The following CPA6 variants were observed in gnomAD, a reference collection of about 807,000 sequenced individuals.
The protein encoded by CPA6 is carboxypeptidase A6, also known as carboxypeptidase B.
Under a neutral mutation model 63.3 loss-of-function variants are expected in CPA6, and 58 were observed. The observed-to-expected ratio is 0.92, with a 90% CI of 0.74 to 1.14. The LOEUF (loss-of-function observed/expected upper bound fraction) is 1.14, where lower values mean the gene tolerates loss of function less well. CPA6 is among the 50% of genes most tolerant of loss of function. The pLI is 0.00. For missense variants in CPA6, 565 were observed against 526.6 expected (o/e 1.07, Z -0.71); for synonymous variants, 185 against 179.0 (o/e 1.03, Z -0.27).
intron 8 of CPA6, among the ~76,000 whole-genome samples, chr8:67,453,578 G>A (rs931593219): frequency 6.6e-6 from 1 of 152,152 alleles, no homozygotes; most frequent in African/African-American, 2.4e-5. Flanking sequence ...ATGATGACAT[G>A]TCTAAGGGAA....
intron 2 of CPA6, among the ~76,000 whole-genome samples, chr8:67,574,231 A>G (rs1813564114): frequency 6.6e-6 from 1 of 151,864 alleles, no homozygotes; most frequent in African/African-American, 2.4e-5. Context: ...TACAAAAATT[A>G]GCTGGGCATG....
At chr8:67,587,070 G>T (rs1177678342) in intron 2 of CPA6, among the ~76,000 whole-genome samples, 1 of 152,224 alleles carries the variant, frequency 6.6e-6, no homozygotes, top group Non-Finnish European at 1.5e-5. Context: ...GGAGGATAAT[G>T]GGTATTATGT....
At chr8:67,497,249 T>C (rs1361994201) in intron 6 of CPA6, among the ~76,000 whole-genome samples, 1 of 152,190 alleles carries the variant, frequency 6.6e-6, no homozygotes, top group Non-Finnish European at 1.5e-5. Flanking sequence ...TGGTAGTTGT[T>C]AGTTCCAATT....
intron 6 of CPA6, among the ~76,000 whole-genome samples, chr8:67,505,101 T>A (rs116575601): frequency 0.03 from 4,611 of 152,298 alleles, 231 homozygotes; most frequent in African/African-American, 0.1. Context: ...AGTGCTGCTG[T>A]ATATGGCTCT....
At chr8:67,636,470 C>G (rs1447970091) in intron 1 of CPA6, among the ~76,000 whole-genome samples, 1 of 151,400 alleles carries the variant, frequency 6.6e-6, no homozygotes, top group Non-Finnish European at 1.5e-5. Context: ...TAAGAGAAAC[C>G]AATGGAATAA....
intron 2 of CPA6, among the ~76,000 whole-genome samples, chr8:67,559,561 T>C (rs894048260): frequency 2.0e-5 from 3 of 152,162 alleles, no homozygotes; most frequent in African/African-American, 7.2e-5. Flanking sequence ...GTTCTCTCAT[T>C]AAAATTTTAT....
intron 1 of CPA6, among the ~76,000 whole-genome samples, chr8:67,668,080 T>C (rs1816269467): frequency 6.6e-6 from 1 of 152,230 alleles, no homozygotes; most frequent in Non-Finnish European, 1.5e-5. Flanking sequence ...GTGTCCTGTT[T>C]GAACAGAAGA....
chr8:67,492,965 C>T (rs1160012664), intron 6 of CPA6, among the ~76,000 whole-genome samples: 2 of 152,044 alleles, frequency 1.3e-5, no homozygotes, highest in Admixed American at 6.6e-5. Context: ...AGGGAACTAA[C>T]GGTACTGAAG....
intron 1 of CPA6, among the ~76,000 whole-genome samples, chr8:67,733,196 CA>C (rs1211323183): frequency 0.015 from 229 of 14,890 alleles, no homozygotes; most frequent in African/African-American, 0.034. Flanking sequence ...GACTCCATCT[CA>C]AAAAAAAAAA....
At chr8:67,577,434 G>T (rs1046727682) in intron 2 of CPA6, among the ~76,000 whole-genome samples, 3 of 152,162 alleles carry the variant, frequency 2.0e-5, no homozygotes, top group African/African-American at 7.2e-5. Context: ...GGCTTGAAAA[G>T]CTTGCCTAGC....
chr8:67,464,924 G>C (rs1390858028), intron 8 of CPA6, among the ~76,000 whole-genome samples: 1 of 152,164 alleles, frequency 6.6e-6, no homozygotes, highest in African/African-American at 2.4e-5. Context: ...TCATAGTATA[G>C]TTTGAAGTCA....
intron 9 of CPA6, among the ~76,000 whole-genome samples, chr8:67,429,269 A>G (rs1377634687): frequency 1.3e-5 from 2 of 152,244 alleles, no homozygotes; most frequent in Non-Finnish European, 2.9e-5. Context: ...ATGAACTAGA[A>G]TGATACTCAC....
Position 67,524,898 on chromosome 8 carries a change from A to T in CPA6, c.193-6851T>A, listed in dbSNP as rs566611429. On this transcript the variant is annotated intron_variant, in intron 2 of 10. Coordinates refer to ENST00000297770, the MANE Select transcript of CPA6 (RefSeq NM_020361.5). The stretch of plus-strand genomic sequence containing the variant: ...GTCCACTCATCCCATTTCTCAACTT[A>T]CATGTCCTTAATTTTGAAGTTTTAT... Among the ~76,000 whole-genome samples, 8 of 152,254 alleles carry T rather than the reference A, an allele frequency of 5.3e-5. No homozygotes were observed. In the East Asian group the frequency reaches 1.5e-3, roughly 29 times the overall value.
chr8:67,721,000 C>A lies in CPA6; in HGVS notation c.116+25014G>T, dbSNP rs533978291. Among the ~76,000 whole-genome samples the A allele has an allele frequency of 3.3e-5, 5 of 152,324 alleles. No individual in the cohort carries two copies. In the East Asian group the frequency reaches 9.6e-4, roughly 29 times the overall value. ...TAAGCAACCCACTATGTGAAAAACT[C>A]CCTATTAGGGATTGAACAAACATTT... On this transcript the variant is annotated intron_variant, in intron 1 of 10. Coordinates refer to ENST00000297770, the MANE Select transcript of CPA6 (RefSeq NM_020361.5).
At chr8:67,694,202 G>C (rs1240555261) in intron 1 of CPA6, among the ~76,000 whole-genome samples, 2 of 152,148 alleles carry the variant, frequency 1.3e-5, no homozygotes, top group Non-Finnish European at 2.9e-5. Flanking sequence ...TGGACTGTGT[G>C]ATGCAGCAGA....
intron 2 of CPA6, among the ~76,000 whole-genome samples, chr8:67,562,182 C>T (rs753156285): frequency 6.6e-6 from 1 of 152,176 alleles, no homozygotes; most frequent in East Asian, 1.9e-4. Flanking sequence ...TTTAGATGAG[C>T]TTTAAGTCCA....
At chr8:67,562,178 T>G (rs1384399390) in intron 2 of CPA6, among the ~76,000 whole-genome samples, 1 of 152,222 alleles carries the variant, frequency 6.6e-6, no homozygotes, top group Non-Finnish European at 1.5e-5. Context: ...GTTCTTTAGA[T>G]GAGCTTTAAG....
At chr8:67,582,466 A>G (rs980297138) in intron 2 of CPA6, among the ~76,000 whole-genome samples, 8 of 152,242 alleles carry the variant, frequency 5.3e-5, no homozygotes, top group African/African-American at 1.7e-4. Flanking sequence ...AAGTGCCGTT[A>G]GCATGAAAAT....
intron 2 of CPA6, among the ~76,000 whole-genome samples, chr8:67,572,424 T>C (rs1230091647): frequency 6.6e-6 from 1 of 152,206 alleles, no homozygotes; most frequent in Non-Finnish European, 1.5e-5. Flanking sequence ...GAGCCTATTA[T>C]AAAGCCAGAA....
Sources: allele counts gnomAD v4.1 joint callset (sites outside exome capture counted in the v4.1 genomes callset), GRCh38; gene constraint gnomAD v4.1.1; transcripts MANE v1.5; gene names NCBI Gene and HGNC (gene_info 2026-07-23, HGNC 2026-07-21).